Variants in C2CD3 observed in about 807,000 individuals in gnomAD.
The protein encoded by C2CD3 is C2 domain-containing protein 3.
In C2CD3, 148 loss-of-function variants were observed where a neutral mutation model predicts 234.0. The ratio of observed to expected loss-of-function variants is 0.63; its 90% CI spans 0.55 to 0.72. C2CD3 has a LOEUF of 0.72. Among genes scored for constraint, C2CD3 ranks in the 30% least tolerant of loss-of-function variants. The pLI, the probability that C2CD3 is intolerant of heterozygous loss-of-function variation, is 0.00. For missense variants in C2CD3, 2,577 were observed against 2,811.5 expected, an observed-to-expected ratio of 0.92 and a Z score of 1.89; for synonymous variants, 1,000 against 1,035.4, an observed-to-expected ratio of 0.97 and a Z score of 0.66.
At chr11:74,071,200 T>A (rs926989754) in intron 24 of C2CD3, among the ~76,000 whole-genome samples, 1 of 152,246 alleles carries the variant, frequency 6.6e-6, no homozygotes, top group Non-Finnish European at 1.5e-5. Context: ...TCCTGTTTTA[T>A]GAATATGAGA....
At chr11:74,168,212 A>T in intron 2 of C2CD3, 132 bp downstream of exon 2, 1 of 723,550 alleles carries the variant, frequency 1.4e-6, no homozygotes, top group South Asian at 1.8e-5. Flanking sequence ...AATGTCTACT[A>T]TAAAAACTCT....
Position 74,100,545 on chromosome 11 carries a change from G to T in C2CD3, c.2712C>A (p.His904Gln). 1 of 1,611,720 alleles carries T rather than the reference G, an allele frequency of 6.2e-7. No homozygotes were observed. The highest frequency in any genetic ancestry group is 1.1e-5 in the South Asian group (1 of 90,482). Residue 904 changes from histidine to glutamine, a missense_variant, in exon 15 of 33, where the codon CAC (histidine) becomes CAA (glutamine). Transcript: ENST00000334126. ...TTTACTTGAATGACATGTAAAACTG[G>T]TGGAGGGGAAGTTTCACCAGCCCGA... ...KLLGLVKLPL[H>Q]QFYMSFKDAK...
chr11:74,041,978 G>T, intron 29 of C2CD3, 76 bp downstream of exon 29: 1 of 1,447,212 alleles, frequency 6.9e-7, no homozygotes. Context: ...TGGAAAAGCA[G>T]TAATGCACAT....
chr11:74,063,561 T>G (rs1244360542), intron 24 of C2CD3, among the ~76,000 whole-genome samples: 3 of 152,176 alleles, frequency 2.0e-5, no homozygotes, highest in Admixed American at 6.5e-5. Context: ...AGAAAAGGCC[T>G]TTGACAAAAT....
chr11:74,101,973 T>C (rs73559849), intron 14 of C2CD3, among the ~76,000 whole-genome samples: 2,659 of 152,070 alleles, frequency 0.017, 79 homozygotes, highest in African/African-American at 0.061. Context: ...GTCATTCTCA[T>C]TGGTGCATAA....
At chr11:74,063,686 C>T (rs1054392735) in intron 24 of C2CD3, among the ~76,000 whole-genome samples, 2 of 152,164 alleles carry the variant, frequency 1.3e-5, no homozygotes, top group Admixed American at 6.5e-5. Context: ...TGGGCAAAAA[C>T]TGAAAGCATT....
chr11:74,109,411 A>G, intron 11 of C2CD3: 1 of 380,304 alleles, frequency 2.6e-6, no homozygotes, highest in East Asian at 4.6e-5. Context: ...TGTCAATCAT[A>G]TGAGTACTGG....
intron 22 of C2CD3, among the ~76,000 whole-genome samples, chr11:74,079,213 A>G (rs903228661): frequency 2.4e-4 from 37 of 152,206 alleles, no homozygotes; most frequent in African/African-American, 8.4e-4. Context: ...CTTAGAGAAC[A>G]CATACCAAGG....
intron 26 of C2CD3, among the ~76,000 whole-genome samples, chr11:74,054,370 T>A (rs1055979994): frequency 1.3e-5 from 2 of 151,758 alleles, no homozygotes; most frequent in Admixed American, 6.6e-5. Flanking sequence ...GTACTCCAGC[T>A]TAGGTGACAG....
At chr11:74,082,127 T>TA (rs1003415433) in intron 22 of C2CD3, among the ~76,000 whole-genome samples, 8 of 151,046 alleles carry the variant, frequency 5.3e-5, no homozygotes, top group African/African-American at 1.9e-4. Flanking sequence ...GTGGATATTT[T>TA]TTTTTTTTTT....
At chr11:74,037,337 A>C (rs1952792737) in intron 30 of C2CD3, 141 bp downstream of exon 30, 6 of 139,940 alleles carry the variant, frequency 4.3e-5, no homozygotes, top group Non-Finnish European at 7.4e-5. Context: ...CAAGATGGTT[A>C]AAAAAAAAAA....
chr11:74,128,411 T>G (rs1957488581), intron 7 of C2CD3: 1 of 152,206 alleles, frequency 6.6e-6, no homozygotes, highest in Admixed American at 6.5e-5. Flanking sequence ...ATGTATCTTT[T>G]CTTGTTTGTG....
chr11:74,036,487 G>GGAA (rs1180468930), intron 30 of C2CD3: 6 of 455,914 alleles, frequency 1.3e-5, no homozygotes, highest in Non-Finnish European at 2.6e-5. Context: ...TTAGGTATCT[G>GGAA]GAAGAAGAAG....
intron 11 of C2CD3, among the ~76,000 whole-genome samples, chr11:74,110,950 C>T (rs1167986056): frequency 6.6e-6 from 1 of 152,158 alleles, no homozygotes; most frequent in Non-Finnish European, 1.5e-5. Context: ...CCCAGTCTTG[C>T]AATTCTTTGC....
chr11:74,082,847 G>A (rs1955453525), intron 22 of C2CD3, among the ~76,000 whole-genome samples: 1 of 152,168 alleles, frequency 6.6e-6, no homozygotes. Flanking sequence ...AATCAATATT[G>A]TGAAAATGGC....
At chr11:74,112,026 T>C (rs753692590) in intron 11 of C2CD3, among the ~76,000 whole-genome samples, 11 of 151,232 alleles carry the variant, frequency 7.3e-5, no homozygotes, top group South Asian at 2.1e-4. Context: ...AGGAAGGATA[T>C]AAAAGCAACA....
intron 24 of C2CD3, among the ~76,000 whole-genome samples, chr11:74,059,439 A>G (rs1265001774): frequency 6.6e-6 from 1 of 150,882 alleles, no homozygotes; most frequent in Admixed American, 6.6e-5. Context: ...AAAAAAAGAA[A>G]GATTTCTCCA....
chr11:74,039,256 C>T (rs1361865521), intron 29 of C2CD3, among the ~76,000 whole-genome samples: 1 of 152,228 alleles, frequency 6.6e-6, no homozygotes, highest in African/African-American at 2.4e-5. Flanking sequence ...CCAAGCTGTA[C>T]TTTGCTCATC....
At chr11:74,080,892 G>T (rs1168897303) in intron 22 of C2CD3, among the ~76,000 whole-genome samples, 3 of 152,164 alleles carry the variant, frequency 2.0e-5, no homozygotes, top group East Asian at 3.8e-4. Flanking sequence ...CCATGGATCT[G>T]AAAGATGAAG....
Sources: gnomAD v4.1 joint callset for allele counts (sites outside exome capture counted in the v4.1 genomes callset) on GRCh38, gnomAD v4.1.1 for gene constraint, MANE v1.5 for transcripts, NCBI Gene and HGNC (gene_info 2026-07-23, HGNC 2026-07-21) for gene names.